Variants in NECTIN2 observed in about 807,000 individuals in gnomAD.
NECTIN2 encodes nectin cell adhesion molecule 2, also known as nectin-2.
Under a neutral mutation model 56.9 loss-of-function variants are expected in NECTIN2, and 23 were observed. The observed-to-expected ratio is 0.40, with a 90% CI of 0.29 to 0.57. The LOEUF is 0.57. Ranked by LOEUF, NECTIN2 falls within the 20% of genes least tolerant of loss-of-function variation. The pLI, the probability that NECTIN2 is intolerant of heterozygous loss-of-function variation, is 0.38. For missense variants in NECTIN2, 587 were observed against 718.3 expected (o/e 0.82, Z 2.09); for synonymous variants, 302 against 313.8 (o/e 0.96, Z 0.40).
chr19:44,879,212 G>A (rs1363084549), intron 5 of NECTIN2, among the ~76,000 whole-genome samples: 1 of 152,020 alleles, frequency 6.6e-6, no homozygotes, highest in Admixed American at 6.5e-5. Flanking sequence ...GGACTCCTGG[G>A]TCCCAGGACA....
intron 2 of NECTIN2, among the ~76,000 whole-genome samples, chr19:44,868,927 A>C (rs60389450): frequency 0.25 from 37,480 of 150,010 alleles, 4,975 homozygotes; most frequent in Middle Eastern, 0.45. Context: ...AAAAAAAAAT[A>C]TGTTGGAAGT....
In NECTIN2 at chr19:44,872,109, C is replaced by T. The variant is rs757057596; in HGVS notation, c.735C>T (p.Phe245=). The change falls in exon 3 of 9, where the codon TTC becomes TTT. Residue 245 remains phenylalanine (F), a synonymous_variant. Transcript: ENST00000252483. ...TVTCKVEHES[F]EEPALIPVTL... is the part of the protein sequence containing the mutation. ...CCTGCAAAGTGGAGCATGAGAGCTT[C>T]GAGGAACCAGCCCTGATACCTGTGA... The T allele has an allele frequency of 2.5e-5, 40 of 1,614,056 alleles. No individual in the cohort carries two copies. Among genetic ancestry groups the T allele is most frequent in the Non-Finnish European group, 3.3e-5 (39 of 1,180,036 alleles).
chr19:44,864,465 T>C (rs1490706783), intron 1 of NECTIN2, among the ~76,000 whole-genome samples: 3 of 152,130 alleles, frequency 2.0e-5, no homozygotes, highest in African/African-American at 4.8e-5. Context: ...AGTGCTGAGA[T>C]TGAAGTCTTG....
Position 44,888,212 on chromosome 19 carries a change from C to T in NECTIN2, c.1450C>T (p.Pro484Ser). 6.2e-7 allele frequency: 1 copy of T among 1,614,140 alleles called. No individual in the cohort carries two copies. Among genetic ancestry groups the T allele is most frequent in the Non-Finnish European group, 8.5e-7 (1 of 1,180,000 alleles). Residue 484 changes from proline (P) to serine (S), a missense_variant, in exon 9 of 9, where the codon CCA becomes TCA. Physicochemically the swap from Pro to Ser is moderately conservative, Grantham distance 74. Transcript: ENST00000252483. ...LGSPIPVPPG[P>S]PAVEDVSLDL... ...GTCCCCCATCCCGGTGCCTCCAGGG[C>T]CACCTGCTGTGGAAGACGTTTCCCT...
chr19:44,874,046 G>A lies in NECTIN2; in HGVS notation c.893+13G>A. The A allele has an allele frequency of 1.9e-6, 3 of 1,596,568 alleles. No homozygotes were observed. Among genetic ancestry groups the A allele is most frequent in the Non-Finnish European group, 1.7e-6 (2 of 1,165,262 alleles). ...ATGACTGGAGCACGTGAGTCACGTG[G>A]TCTCAGAACCCTGGGTCTGAGGGAG... On this transcript the variant is annotated intron_variant, in intron 4 of 8. Transcript: ENST00000252483. This position sits in a 1 kb window ranked among gnomAD's most constrained non-coding sequence, Gnocchi z 6.3.
At chr19:44,852,989 G>A (rs552047538) in intron 1 of NECTIN2, among the ~76,000 whole-genome samples, 1 of 152,074 alleles carries the variant, frequency 6.6e-6, no homozygotes, top group Non-Finnish European at 1.5e-5. Context: ...GTGCCCGCCT[G>A]TAGTCCCAAC....
chr19:44,868,336 C>T (rs1174586785), intron 2 of NECTIN2, among the ~76,000 whole-genome samples: 1 of 141,180 alleles, frequency 7.1e-6, no homozygotes, highest in African/African-American at 2.7e-5. Flanking sequence ...TGCACTCCAG[C>T]ACGAGACCCT....
chr19:44,865,259 C>T lies in NECTIN2; in HGVS notation c.89-12C>T, dbSNP rs747500175. On this transcript the variant is annotated splice_polypyrimidine_tract_variant and intron_variant, in intron 1 of 8. Coordinates refer to ENST00000252483, the MANE Select transcript of NECTIN2 (RefSeq NM_001042724.2). The surrounding 1 kb of genome is among the most constrained non-coding windows in gnomAD (Gnocchi z 5.2). ...CCACCCGACTACTTCACTCTCTGTCCTCTCTGCCCAGGAGCCCAGGATGTG... is the reference window on the plus strand; with the variant it reads ...CCACCCGACTACTTCACTCTCTGTCTTCTCTGCCCAGGAGCCCAGGATGTG... 7.5e-6 allele frequency: 12 copies of T among 1,598,672 alleles called. No homozygotes were observed. Among genetic ancestry groups the T allele is most frequent in the Non-Finnish European group, 1.0e-5 (12 of 1,170,468 alleles).
rs4013742 is a variant in NECTIN2, at chr19:44,880,475, C to CTTTTTTTTT, written c.1043-1714_1043-1706dup. Among the ~76,000 whole-genome samples the CTTTTTTTTT allele has an allele frequency of 8.7e-5, 6 of 68,880 alleles. 1 individual carries two copies. Among genetic ancestry groups the CTTTTTTTTT allele is most frequent in the African/African-American group, 2.7e-4 (4 of 14,768 alleles). The allele number at this position is 68,880 out of a possible 152,430, so 45.2% of individuals were successfully genotyped here. On this transcript the variant is annotated intron_variant, in intron 5 of 8. Coordinates refer to ENST00000252483, the MANE Select transcript of NECTIN2 (RefSeq NM_001042724.2). ...TTCTCGACCCCTTTTCCTGTCTTGC[C>CTTTTTTTTT]TTTTTTTTTTTTTTTTTTTTTTTTT...
chr19:44,853,745 C>T (rs1449666995), intron 1 of NECTIN2, among the ~76,000 whole-genome samples: 1 of 152,204 alleles, frequency 6.6e-6, no homozygotes, highest in Non-Finnish European at 1.5e-5. Context: ...CCTCGGCCTC[C>T]CAAAGTGTTG....
In NECTIN2 at chr19:44,886,115, G is replaced by C; in HGVS notation, c.1261-18G>C. 6.2e-7 allele frequency: 1 copy of C among 1,600,934 alleles called. No homozygotes were observed. Among genetic ancestry groups the C allele is most frequent in the Non-Finnish European group, 8.6e-7 (1 of 1,168,562 alleles). On this transcript the variant is annotated intron_variant, in intron 7 of 8. Coordinates refer to ENST00000252483, the MANE Select transcript of NECTIN2 (RefSeq NM_001042724.2). Reference sequence around the variant, plus strand: ...GGTGGGGGCAGTTCCTGACCTCCCCGCCCCTCTCCCACTACAGCCCTCCCA... The same window carrying C: ...GGTGGGGGCAGTTCCTGACCTCCCCCCCCCTCTCCCACTACAGCCCTCCCA...
intron 8 of NECTIN2, among the ~76,000 whole-genome samples, chr19:44,887,875 C>CGAGTGTCAAAAGTGAGTCCCA: frequency 6.6e-6 from 1 of 152,104 alleles, no homozygotes; most frequent in South Asian, 2.1e-4. Context: ...TTGCAGAGAT[C>CGAGTGTCAAAAGTGAGTCCCA]GAGTGTCAAA....
intron 1 of NECTIN2, among the ~76,000 whole-genome samples, chr19:44,860,444 C>T (rs879704093): frequency 6.6e-6 from 1 of 151,994 alleles, no homozygotes; most frequent in African/African-American, 2.4e-5. Context: ...GCCCCAGAGA[C>T]GGTTTGCAGT....
chr19:44,866,147 T>A (rs1369962142), intron 2 of NECTIN2, among the ~76,000 whole-genome samples: 1 of 150,748 alleles, frequency 6.6e-6, no homozygotes, highest in Non-Finnish European at 1.5e-5. Flanking sequence ...TGCACTCTAG[T>A]CTGGGTGACA....
At chr19:44,872,536 A>G (rs1463481378) in intron 3 of NECTIN2, among the ~76,000 whole-genome samples, 3 of 151,986 alleles carry the variant, frequency 2.0e-5, no homozygotes, top group Admixed American at 6.6e-5. Flanking sequence ...TTCCCCAGAG[A>G]GTTGGTTTAC....
chr19:44,882,782 CATT>C (rs1568599957), intron 6 of NECTIN2, among the ~76,000 whole-genome samples: 2 of 68,022 alleles, frequency 2.9e-5, no homozygotes, highest in Non-Finnish European at 2.4e-5. Flanking sequence ...GATCCTACTA[CATT>C]TTTTTTTTTT....
intron 6 of NECTIN2, among the ~76,000 whole-genome samples, chr19:44,885,608 A>C (rs1429636743): frequency 2.0e-5 from 3 of 152,110 alleles, no homozygotes; most frequent in Non-Finnish European, 2.9e-5. Flanking sequence ...CACTGCCCCC[A>C]GCCCAACACA....
chr19:44,875,054 C>T lies in NECTIN2; in HGVS notation c.1042+576C>T, dbSNP rs1455979034. Among the ~76,000 whole-genome samples the T allele has an allele frequency of 2.0e-5, 3 of 152,122 alleles. No individual in the cohort carries two copies. The highest frequency in any genetic ancestry group is 4.4e-5 in the Non-Finnish European group (3 of 68,006). ...GGTCCTGGAGATAGGGCCAGAGACC[C>T]CTCCTGTCAGAGCCACAGCTGGCAG... On this transcript the variant is annotated intron_variant, in intron 5 of 8. Transcript: ENST00000252483. This position sits in a 1 kb window ranked among gnomAD's most constrained non-coding sequence, Gnocchi z 4.2.
chr19:44,853,649 C>T (rs1268714189), intron 1 of NECTIN2, among the ~76,000 whole-genome samples: 4 of 151,732 alleles, frequency 2.6e-5, no homozygotes, highest in African/African-American at 7.3e-5. Flanking sequence ...CCACCACGCC[C>T]GGCTAATTTT....
Sources: gnomAD v4.1 joint callset for allele counts (sites outside exome capture counted in the v4.1 genomes callset) on GRCh38, gnomAD v4.1.1 for gene constraint, Gnocchi (gnomAD v3.1) non-coding constraint, MANE v1.5 for transcripts, NCBI Gene and HGNC (gene_info 2026-07-23, HGNC 2026-07-21) for gene names.